Variants in FUT9 observed in about 807,000 individuals in gnomAD.
FUT9 encodes 4-galactosyl-N-acetylglucosaminide 3-alpha-L-fucosyltransferase 9.
In FUT9, 15 loss-of-function variants were observed where a neutral mutation model predicts 29.7. The observed-to-expected ratio is 0.51, with a 90% CI of 0.34 to 0.78. FUT9 has a LOEUF of 0.78. FUT9 is among the 30% of genes least tolerant of loss of function. The pLI is 0.01. For missense variants in FUT9, 319 were observed against 425.4 expected (o/e 0.75, Z 2.20); for synonymous variants, 169 against 153.7 (o/e 1.10, Z -0.74).
rs975923082 is a variant in FUT9, at chr6:96,209,661, C to T, written c.*5426C>T. 1.2e-5 allele frequency: 2 copies of T among 166,702 alleles called. No individual in the cohort carries two copies. Among genetic ancestry groups the T allele is most frequent in the African/African-American group, 2.4e-5 (1 of 41,392 alleles). 10.3% of individuals were successfully genotyped at this position (166,702 alleles called of 1,614,324 possible). ...GTAAGCTAGATTGAGTTCATTTGAA[C>T]ATTTAGTTATTTTTTAGCTCATAGT... On this transcript the variant is annotated 3_prime_UTR_variant, in exon 3 of 3. Transcript: ENST00000302103.
chr6:96,088,474 T>G (rs2127953012), intron 1 of FUT9, among the ~76,000 whole-genome samples: 1 of 152,064 alleles, frequency 6.6e-6, no homozygotes, highest in East Asian at 1.9e-4. Context: ...CTCCTATTAT[T>G]ACCTGTATGT....
At chr6:96,094,881 G>A (rs527986459) in intron 1 of FUT9, among the ~76,000 whole-genome samples, 1 of 152,158 alleles carries the variant, frequency 6.6e-6, no homozygotes, top group East Asian at 1.9e-4. Context: ...TGGGGAACAG[G>A]TGGTGTTTGG....
At chr6:96,199,773 T>C (rs1404349945) in intron 2 of FUT9, among the ~76,000 whole-genome samples, 4 of 152,150 alleles carry the variant, frequency 2.6e-5, no homozygotes, top group Admixed American at 6.6e-5. Flanking sequence ...AATTTTTGTA[T>C]ATCTGGTTAC....
At chr6:96,195,950 G>C (rs952210154) in intron 2 of FUT9, among the ~76,000 whole-genome samples, 2 of 152,052 alleles carry the variant, frequency 1.3e-5, no homozygotes, top group Non-Finnish European at 2.9e-5. Flanking sequence ...AACACCAATG[G>C]CTTATATAAA....
rs780994605 is a variant in FUT9, at chr6:96,204,026, G to T, written c.871G>T (p.Asp291Tyr). 1 of 1,602,382 alleles carries T rather than the reference G, an allele frequency of 6.2e-7. No individual in the cohort carries two copies. Among genetic ancestry groups the T allele is most frequent in the Admixed American group, 1.7e-5 (1 of 57,850 alleles). ...AGCAGATTCATTCATTCATGTGGAAGATTATAACTCTCCCAGTGAGCTAGC... is the reference window on the plus strand; with the variant it reads ...AGCAGATTCATTCATTCATGTGGAATATTATAACTCTCCCAGTGAGCTAGC... ...IPADSFIHVE[D>Y]YNSPSELAKY... Residue 291 changes from aspartate to tyrosine, a missense_variant, in exon 3 of 3, where the codon GAT becomes TAT. Physicochemically the swap from Asp to Tyr is radical, Grantham distance 160. Coordinates refer to ENST00000302103, the MANE Select transcript of FUT9 (RefSeq NM_006581.4).
chr6:96,097,486 T>C lies in FUT9; in HGVS notation c.-97-16553T>C, dbSNP rs151137379. On this transcript the variant is annotated intron_variant, in intron 1 of 2. Coordinates refer to ENST00000302103, the MANE Select transcript of FUT9 (RefSeq NM_006581.4). The stretch of plus-strand genomic sequence containing the variant: ...AAGAAGATAGTTAAAAATATATATA[T>C]TGTTGTATGAGTGAATGAATTCATG... Among the ~76,000 whole-genome samples, 296 of 152,298 alleles carry C rather than the reference T, an allele frequency of 1.9e-3. 1 individual carries two copies. Among genetic ancestry groups the C allele is most frequent in the Middle Eastern group, 0.01 (3 of 294 alleles).
chr6:96,135,738 T>C (rs1188965282), intron 2 of FUT9, among the ~76,000 whole-genome samples: 1 of 151,820 alleles, frequency 6.6e-6, no homozygotes, highest in East Asian at 1.9e-4. Context: ...GTGTACAACA[T>C]TGTGCTAATA....
intron 2 of FUT9, among the ~76,000 whole-genome samples, chr6:96,132,911 T>C (rs891258813): frequency 6.7e-6 from 1 of 148,624 alleles, no homozygotes; most frequent in Admixed American, 6.9e-5. Flanking sequence ...CAGAGGACTT[T>C]ATGTATCTAT....
intron 1 of FUT9, among the ~76,000 whole-genome samples, chr6:96,063,300 G>GTTTACATACT (rs1770907549): frequency 6.6e-6 from 1 of 152,152 alleles, no homozygotes; most frequent in Non-Finnish European, 1.5e-5. Flanking sequence ...ATGTTTTACA[G>GTTTACATACT]GAAGTATGGT....
intron 1 of FUT9, among the ~76,000 whole-genome samples, chr6:96,046,341 T>G (rs904790092): frequency 1.3e-5 from 2 of 152,260 alleles, no homozygotes; most frequent in Non-Finnish European, 1.5e-5. Context: ...TTAAGAAAAT[T>G]GTTGCATGTC....
chr6:96,152,539 T>C (rs1324847249), intron 2 of FUT9, among the ~76,000 whole-genome samples: 2 of 152,214 alleles, frequency 1.3e-5, no homozygotes, highest in Non-Finnish European at 2.9e-5. Flanking sequence ...TTTGAATAAA[T>C]GAATCATTGG....
chr6:96,182,953 ATTT>A (rs544228248), intron 2 of FUT9, among the ~76,000 whole-genome samples: 1 of 151,258 alleles, frequency 6.6e-6, no homozygotes, highest in African/African-American at 2.4e-5. Context: ...GAATTTTAGG[ATTT>A]TTTTTCTAGT....
At chr6:96,114,301 A>G (rs1259144727) in intron 2 of FUT9, among the ~76,000 whole-genome samples, 174 bp downstream of exon 2, 1 of 152,058 alleles carries the variant, frequency 6.6e-6, no homozygotes, top group Non-Finnish European at 1.5e-5. Context: ...ACTTAGTTTT[A>G]ACATTCTATC....
intron 1 of FUT9, among the ~76,000 whole-genome samples, chr6:96,052,620 A>G (rs990851147): frequency 1.3e-5 from 2 of 152,312 alleles, no homozygotes; most frequent in African/African-American, 2.4e-5. Flanking sequence ...TTGTGGCTCA[A>G]AGAAAATAGG....
chr6:96,150,810 T>C (rs1772662106), intron 2 of FUT9, among the ~76,000 whole-genome samples: 2 of 152,160 alleles, frequency 1.3e-5, no homozygotes, highest in African/African-American at 4.8e-5. Flanking sequence ...GGAGCTGACC[T>C]GATAGGAATA....
intron 2 of FUT9, among the ~76,000 whole-genome samples, chr6:96,147,589 T>C (rs990794471): frequency 2.0e-5 from 3 of 152,126 alleles, no homozygotes; most frequent in East Asian, 3.9e-4. Context: ...AGGATACTTA[T>C]AACTGTAGTT....
intron 1 of FUT9, among the ~76,000 whole-genome samples, chr6:96,074,185 C>T (rs1771108085): frequency 6.6e-6 from 1 of 152,104 alleles, no homozygotes. Flanking sequence ...ACAGTGTCCC[C>T]ATCCCTGAGA....
At chr6:96,087,582 G>A (rs1436566756) in intron 1 of FUT9, among the ~76,000 whole-genome samples, 2 of 151,938 alleles carry the variant, frequency 1.3e-5, no homozygotes, top group Admixed American at 6.6e-5. Flanking sequence ...GGTCAGGATG[G>A]TCTCGATCTC....
At chr6:96,203,069 T>C in intron 2 of FUT9, 79 bp from the exon 3 acceptor site, 1 of 1,070,066 alleles carries the variant, frequency 9.3e-7, no homozygotes, top group South Asian at 1.7e-5. Flanking sequence ...TTTATGATTT[T>C]AAATATATCT....
Sources: gnomAD v4.1 joint callset for allele counts (sites outside exome capture counted in the v4.1 genomes callset) on GRCh38, gnomAD v4.1.1 for gene constraint, MANE v1.5 for transcripts, NCBI Gene and HGNC (gene_info 2026-07-23, HGNC 2026-07-21) for gene names.